Variants in TRAK1 observed in about 807,000 individuals in gnomAD.
TRAK1 encodes the protein trafficking kinesin protein 1.
A neutral mutation model predicts 92.1 loss-of-function variants in TRAK1; 33 were observed. The ratio of observed to expected loss-of-function variants is 0.36; its 90% CI spans 0.27 to 0.48. The LOEUF is 0.48. Ranked by LOEUF, TRAK1 falls within the 20% of genes least tolerant of loss-of-function variation. The pLI is 0.99. For synonymous variants in TRAK1, 521 were observed against 517.3 expected (o/e 1.01, Z -0.10); for missense variants, 1,123 against 1,257.9 (o/e 0.89, Z 1.62).
At chr3:42,186,757 C>T (rs977783960) in intron 4 of TRAK1, among the ~76,000 whole-genome samples, 1 of 152,172 alleles carries the variant, frequency 6.6e-6, no homozygotes, top group Non-Finnish European at 1.5e-5. Flanking sequence ...CCTTTTTTCC[C>T]CCTTGGAAAA....
intron 1 of TRAK1, among the ~76,000 whole-genome samples, chr3:42,070,503 C>T (rs1428599841): frequency 6.6e-6 from 1 of 152,014 alleles, no homozygotes; most frequent in South Asian, 2.1e-4. Flanking sequence ...TCATGGCTCA[C>T]GGCAGCCTTG....
chr3:42,149,170 A>G (rs2149252775), intron 2 of TRAK1: 6 of 1,029,076 alleles, frequency 5.8e-6, no homozygotes, highest in Non-Finnish European at 7.0e-6. Context: ...TGAGACAGCC[A>G]GTGGTGGTGT....
At chr3:42,080,188 C>T (rs898162879) in intron 1 of TRAK1, among the ~76,000 whole-genome samples, 1 of 152,104 alleles carries the variant, frequency 6.6e-6, no homozygotes, top group African/African-American at 2.4e-5. Context: ...AACTTGCACA[C>T]GTGTATTTTG....
chr3:42,052,572 A>G (rs564078182), intron 1 of TRAK1, among the ~76,000 whole-genome samples: 6 of 152,292 alleles, frequency 3.9e-5, no homozygotes, highest in South Asian at 2.1e-4. Context: ...AAAGTAGCCA[A>G]TTGGAGCAAA....
chr3:42,046,012 T>C (rs1702735334), intron 1 of TRAK1, among the ~76,000 whole-genome samples: 1 of 152,242 alleles, frequency 6.6e-6, no homozygotes, highest in African/African-American at 2.4e-5. Context: ...TTTTTGCTTA[T>C]GTGGACTTTG....
rs545170914 is a variant in TRAK1 at position 42,056,871 on chromosome 3, A to G, written c.-518-30233A>G. Among the ~76,000 whole-genome samples the G allele has an allele frequency of 2.3e-4, 35 of 152,326 alleles. No individual in the cohort carries two copies. The South Asian group carries it at 6.8e-3, about 30-fold the overall frequency. Reference sequence around the variant, plus strand: ...CCTTCTTAATACCTTTTAGCTCAACATTTCTATTTCCAATATTAGGATTTT... The same window carrying G: ...CCTTCTTAATACCTTTTAGCTCAACGTTTCTATTTCCAATATTAGGATTTT... On this transcript the variant is annotated intron_variant, in intron 1 of 16. Transcript: ENST00000487159.
intron 11 of TRAK1, among the ~76,000 whole-genome samples, 164 bp downstream of exon 11, chr3:42,199,417 C>G (rs935097937): frequency 6.6e-6 from 1 of 152,154 alleles, no homozygotes; most frequent in African/African-American, 2.4e-5. Flanking sequence ...GACAGCATCC[C>G]TCAGCTCCTC....
intron 1 of TRAK1, among the ~76,000 whole-genome samples, chr3:42,051,851 C>T (rs1175928980): frequency 6.6e-6 from 1 of 152,208 alleles, no homozygotes; most frequent in Non-Finnish European, 1.5e-5. Flanking sequence ...GGCTGCTTCA[C>T]CCCCAATTCC....
chr3:42,072,631 A>G (rs1703985969), intron 1 of TRAK1, among the ~76,000 whole-genome samples: 1 of 142,810 alleles, frequency 7.0e-6, no homozygotes, highest in African/African-American at 2.6e-5. Context: ...GTGGTTTGGG[A>G]TTTCTTTTCT....
chr3:42,088,555 C>A, upstream of TRAK1, among the ~76,000 whole-genome samples: 1 of 152,192 alleles, frequency 6.6e-6, no homozygotes, highest in Non-Finnish European at 1.5e-5. Context: ...CCTTCTCAGT[C>A]CCGTGTTTCC....
intron 10 of TRAK1, among the ~76,000 whole-genome samples, chr3:42,197,094 A>G (rs1214313733): frequency 2.0e-5 from 3 of 151,850 alleles, no homozygotes; most frequent in African/African-American, 7.3e-5. Flanking sequence ...TTATTTGCCT[A>G]AAAATATTAT....
chr3:42,025,866 C>G (rs1319366513), intron 1 of TRAK1, among the ~76,000 whole-genome samples: 1 of 152,184 alleles, frequency 6.6e-6, no homozygotes, highest in Non-Finnish European at 1.5e-5. Context: ...TTGTTCACTT[C>G]CCACATATGG....
At chr3:42,139,186 T>G (rs1294353356) in intron 2 of TRAK1, among the ~76,000 whole-genome samples, 1 of 152,182 alleles carries the variant, frequency 6.6e-6, no homozygotes, top group Non-Finnish European at 1.5e-5. Flanking sequence ...GTACTCTGGC[T>G]GTGTCCTTTC....
At chr3:42,125,245 A>C (rs1263607651) in intron 1 of TRAK1, among the ~76,000 whole-genome samples, 175 bp from the exon 2 acceptor site, 2 of 152,238 alleles carry the variant, frequency 1.3e-5, no homozygotes, top group African/African-American at 4.8e-5. Context: ...TGCACAATTC[A>C]AAGTTTTGAG....
chr3:42,184,985 T>G, intron 4 of TRAK1, 184 bp downstream of exon 4: 1 of 566,572 alleles, frequency 1.8e-6, no homozygotes, highest in Non-Finnish European at 3.2e-6. Flanking sequence ...GCCACCTTCC[T>G]GCAGCTCCTG....
chr3:42,016,171 G>A (rs1377844903), intron 1 of TRAK1, among the ~76,000 whole-genome samples: 1 of 152,042 alleles, frequency 6.6e-6, no homozygotes, highest in African/African-American at 2.4e-5. Flanking sequence ...CATCTTAAGT[G>A]GACTTTGTTC....
chr3:42,175,700 T>C (rs1275339791), intron 2 of TRAK1, among the ~76,000 whole-genome samples: 3 of 152,242 alleles, frequency 2.0e-5, no homozygotes, highest in Admixed American at 2.0e-4. Flanking sequence ...CAGAGACCTA[T>C]TGAATTCCAG....
At chr3:42,176,424 C>T (rs1485591371) in intron 2 of TRAK1, among the ~76,000 whole-genome samples, 1 of 152,198 alleles carries the variant, frequency 6.6e-6, no homozygotes, top group African/African-American at 2.4e-5. Context: ...TTAGTGGAGT[C>T]TAAATCCTAC....
Position 42,188,340 on chromosome 3 carries a change from T to C in TRAK1, c.581+195T>C, listed in dbSNP as rs1576887340. On this transcript the variant is annotated intron_variant, in intron 5 of 15. Transcript: ENST00000327628. ...TTTTAGCGGGATATGGATGGACAGG[T>C]TTTTAGTTTTCCTTTTCCTGGGTCT... 3.3e-5 allele frequency among the ~76,000 whole-genome samples: 5 copies of C among 152,116 alleles called. No individual in the cohort carries two copies. The South Asian group carries it at 1.0e-3, about 32-fold the overall frequency.
Sources: gnomAD v4.1 joint callset for allele counts (sites outside exome capture counted in the v4.1 genomes callset) on GRCh38, gnomAD v4.1.1 for gene constraint, MANE v1.5 for transcripts, NCBI Gene and HGNC (gene_info 2026-07-23, HGNC 2026-07-21) for gene names.